GRID2: variants seen among roughly 807,000 people sequenced by gnomAD.
GRID2 encodes glutamate ionotropic receptor delta type subunit 2.
In GRID2, 33 loss-of-function variants were observed where a neutral mutation model predicts 114.8. The ratio of observed to expected loss-of-function variants is 0.29; its 90% CI spans 0.22 to 0.38. The LOEUF (loss-of-function observed/expected upper bound fraction) is 0.38, where lower values mean the gene tolerates loss of function less well. Ranked by LOEUF, GRID2 falls within the 10% of genes least tolerant of loss-of-function variation. GRID2 has a pLI of 1.00. For missense variants in GRID2, 1,184 were observed against 1,257.7 expected (o/e 0.94, Z 0.89); for synonymous variants, 505 against 449.9 (o/e 1.12, Z -1.55).
At chr4:92,785,221 G>A (rs1739261920) in intron 2 of GRID2, among the ~76,000 whole-genome samples, 1 of 151,046 alleles carries the variant, frequency 6.6e-6, no homozygotes, top group Non-Finnish European at 1.5e-5. Flanking sequence ...TAGACAAACG[G>A]ATGAAGCTAT....
intron 2 of GRID2, among the ~76,000 whole-genome samples, chr4:93,007,636 C>G (rs1327389562): frequency 2.0e-5 from 3 of 152,084 alleles, no homozygotes; most frequent in Non-Finnish European, 4.4e-5. Context: ...AGATAGTGAA[C>G]ACTGAATATA....
intron 13 of GRID2, among the ~76,000 whole-genome samples, chr4:93,564,338 C>T (rs1735207023): frequency 6.6e-6 from 1 of 151,636 alleles, no homozygotes; most frequent in African/African-American, 2.4e-5. Flanking sequence ...TTTTCCTTTC[C>T]TATTTCTCAG....
intron 2 of GRID2, among the ~76,000 whole-genome samples, chr4:92,852,745 G>A (rs903437191): frequency 2.6e-5 from 4 of 151,708 alleles, no homozygotes; most frequent in Non-Finnish European, 4.4e-5. Context: ...ACTCTTTGCT[G>A]TAACCACACT....
chr4:92,668,438 G>A (rs561671799), intron 2 of GRID2, among the ~76,000 whole-genome samples: 1 of 151,724 alleles, frequency 6.6e-6, no homozygotes, highest in African/African-American at 2.4e-5. Flanking sequence ...TACCCATACT[G>A]AGTTTAGTTC....
intron 14 of GRID2, among the ~76,000 whole-genome samples, chr4:93,761,573 A>T (rs1457037932): frequency 6.6e-6 from 1 of 152,126 alleles, no homozygotes; most frequent in Non-Finnish European, 1.5e-5. Flanking sequence ...AAGCTTGCTG[A>T]CCTCTAGTCT....
At chr4:93,502,794 G>C (rs1194070819) in intron 12 of GRID2, among the ~76,000 whole-genome samples, 1 of 149,154 alleles carries the variant, frequency 6.7e-6, no homozygotes, top group Non-Finnish European at 1.5e-5. Context: ...AGATGCTAAA[G>C]AGGGATGATG....
chr4:93,511,138 T>C (rs1729128117), intron 12 of GRID2, among the ~76,000 whole-genome samples: 1 of 152,078 alleles, frequency 6.6e-6, no homozygotes, highest in South Asian at 2.1e-4. Flanking sequence ...GGTTTCACCA[T>C]GTTGGCCAGG....
At chr4:93,116,583 A>G (rs1733282162) in intron 4 of GRID2, among the ~76,000 whole-genome samples, 1 of 151,980 alleles carries the variant, frequency 6.6e-6, no homozygotes, top group African/African-American at 2.4e-5. Flanking sequence ...TCCTGACTGC[A>G]CCCTTTCCTC....
At position 92,919,276 on chromosome 4, in the gene GRID2, A is replaced by G. The variant is rs995555243; in HGVS notation, c.245-165719A>G. ...TATTAGTCTTGGTAGCTGTCTATCAATTTTGTTTATCATTTCAAAAAACCA... is the reference window on the plus strand; with the variant it reads ...TATTAGTCTTGGTAGCTGTCTATCAGTTTTGTTTATCATTTCAAAAAACCA... On this transcript the variant is annotated intron_variant, in intron 2 of 15. Transcript: ENST00000282020. Among the ~76,000 whole-genome samples the G allele has an allele frequency of 7.2e-5, 11 of 151,890 alleles. No homozygotes were observed. In the South Asian group the frequency reaches 8.3e-4, roughly 11 times the overall value.
intron 1 of GRID2, among the ~76,000 whole-genome samples, chr4:92,445,096 G>C (rs1361838343): frequency 6.6e-6 from 1 of 152,004 alleles, no homozygotes; most frequent in Non-Finnish European, 1.5e-5. Context: ...TTTATATAAG[G>C]CTTATTATGT....
chr4:93,166,367 C>T (rs1738247952), intron 4 of GRID2, among the ~76,000 whole-genome samples: 1 of 152,126 alleles, frequency 6.6e-6, no homozygotes, highest in African/African-American at 2.4e-5. Context: ...ATTTGGAGAA[C>T]ATCACCTGTG....
At chr4:92,668,128 G>A (rs1732877931) in intron 2 of GRID2, among the ~76,000 whole-genome samples, 1 of 151,724 alleles carries the variant, frequency 6.6e-6, no homozygotes, top group African/African-American at 2.4e-5. Context: ...TAGAATACAG[G>A]AGGTCAGATT....
intron 13 of GRID2, among the ~76,000 whole-genome samples, chr4:93,545,592 AACCAGTTACC>A (rs1733135144): frequency 6.6e-6 from 1 of 152,210 alleles, no homozygotes; most frequent in Non-Finnish European, 1.5e-5. Flanking sequence ...GATGTGCTAG[AACCAGTTACC>A]ACCTGTCCAT....
chr4:93,198,898 G>T (rs755499126), intron 4 of GRID2, among the ~76,000 whole-genome samples: 1 of 152,058 alleles, frequency 6.6e-6, no homozygotes, highest in African/African-American at 2.4e-5. Context: ...GCAATTAAGT[G>T]CCAATTTACC....
intron 2 of GRID2, 132 bp downstream of exon 2, chr4:92,590,418 G>A: frequency 1.6e-6 from 1 of 628,766 alleles, no homozygotes; most frequent in Non-Finnish European, 2.8e-6. Context: ...TTTCCTTGGA[G>A]ATCACTGTTT....
intron 2 of GRID2, among the ~76,000 whole-genome samples, chr4:93,075,673 A>G (rs1729200643): frequency 6.6e-6 from 1 of 152,080 alleles, no homozygotes; most frequent in Admixed American, 6.5e-5. Flanking sequence ...CTGGCAATGA[A>G]ATTTGGAAAT....
chr4:92,497,747 C>A (rs143654213), intron 1 of GRID2, among the ~76,000 whole-genome samples: 1 of 152,014 alleles, frequency 6.6e-6, no homozygotes, highest in East Asian at 1.9e-4. Flanking sequence ...TTGCTTCCAG[C>A]ACATATTTGA....
chr4:92,590,171 A>G lies in GRID2; in HGVS notation c.129A>G (p.Val43=). ...FDESAKKDDE[V]FRTAVGDLNQ... The stretch of plus-strand genomic sequence containing the variant: ...AATCTGCCAAAAAGGATGATGAGGT[A>G]TTTCGCACTGCGGTTGGTGACCTTA... Residue 43 remains valine (V), a synonymous_variant, in exon 2 of 16, where the codon GTA becomes GTG. Coordinates refer to ENST00000282020, the MANE Select transcript of GRID2 (RefSeq NM_001510.4). 3 of 1,612,222 alleles carry G rather than the reference A, an allele frequency of 1.9e-6. No individual in the cohort carries two copies. Among genetic ancestry groups the G allele is most frequent in the Non-Finnish European group, 2.5e-6 (3 of 1,178,402 alleles).
At chr4:93,225,861 G>A (rs1245424769) in intron 7 of GRID2, among the ~76,000 whole-genome samples, 2 of 152,132 alleles carry the variant, frequency 1.3e-5, no homozygotes, top group African/African-American at 4.8e-5. Flanking sequence ...AGGCTGGGAA[G>A]TCCAAGACCA....
Sources: allele counts gnomAD v4.1 joint callset (sites outside exome capture counted in the v4.1 genomes callset), GRCh38; gene constraint gnomAD v4.1.1; transcripts MANE v1.5; gene names NCBI Gene and HGNC (gene_info 2026-07-23, HGNC 2026-07-21).